The following NFU1 variants were observed in gnomAD, a reference collection of about 807,000 sequenced individuals.
NFU1 encodes NFU1 iron-sulfur cluster scaffold homolog, mitochondrial.
Under a neutral mutation model 32.2 loss-of-function variants are expected in NFU1, and 30 were observed. That is an observed-to-expected ratio of 0.93 (90% confidence interval 0.70 to 1.26). NFU1 has a LOEUF of 1.26. Ranked by LOEUF, NFU1 falls within the 50% of genes most tolerant of loss-of-function variation. The probability of loss-of-function intolerance (pLI) is 0.00; values close to 1 mark genes in which losing one functional copy is unlikely to be tolerated. For missense variants in NFU1, 306 were observed against 306.6 expected (o/e 1.00, Z 0.02); for synonymous variants, 112 against 104.6 (o/e 1.07, Z -0.43).
rs1216201310 is a variant in NFU1, at chr2:69,423,703, T to G, written c.181A>C (p.Ile61Leu). Residue 61 changes from isoleucine (I) to leucine (L), a missense_variant, in exon 3 of 8, where the codon ATT becomes CTT. Transcript: ENST00000410022. ...GGATTTGGGGTATCTTGTGTTTGAATAAACATGTATCTCACTAAAAAAGAA... is the reference window on the plus strand; with the variant it reads ...GGATTTGGGGTATCTTGTGTTTGAAGAAACATGTATCTCACTAAAAAAGAA... ...AFYHPVRYMF[I>L]QTQDTPNPNS... 2.5e-6 allele frequency: 4 copies of G among 1,600,296 alleles called. No homozygotes were observed. In the South Asian group the frequency reaches 4.4e-5, roughly 18 times the overall value.
chr2:69,410,631 G>A (rs1672848097), intron 5 of NFU1, among the ~76,000 whole-genome samples: 1 of 152,158 alleles, frequency 6.6e-6, no homozygotes, highest in Non-Finnish European at 1.5e-5. Context: ...TTAGAATTGT[G>A]CCTGAAATAC....
intron 5 of NFU1, among the ~76,000 whole-genome samples, chr2:69,406,408 G>C (rs983929588): frequency 7.3e-6 from 1 of 137,342 alleles, no homozygotes; most frequent in Admixed American, 7.3e-5. Context: ...CTCAAGGATT[G>C]AAAGTATCAG....
At chr2:69,396,964 C>T (rs540862414) in intron 7 of NFU1, among the ~76,000 whole-genome samples, 118 of 151,422 alleles carry the variant, frequency 7.8e-4, no homozygotes, top group African/African-American at 2.8e-3. Flanking sequence ...CCCAGGTACC[C>T]GGGAGACTAA....
At chr2:69,430,217 CTTT>C (rs113587680) in intron 2 of NFU1, among the ~76,000 whole-genome samples, 3 of 145,190 alleles carry the variant, frequency 2.1e-5, no homozygotes, top group African/African-American at 2.6e-5. Context: ...ATATTTCTTC[CTTT>C]TTTTTTTTTT....
At position 69,404,328 on chromosome 2, in the gene NFU1, C is replaced by G. The variant is rs186440504; in HGVS notation, c.545+1694G>C. 8.3e-3 allele frequency among the ~76,000 whole-genome samples: 1,254 copies of G among 150,840 alleles called. 16 individuals carry two copies. The highest frequency in any genetic ancestry group is 0.028 in the African/African-American group (1,173 of 41,174). Reference sequence around the variant, plus strand: ...CCAACACGGTGAAACCCTGTCTCTACTAAAACTACAAAAATTAGCTGGGTG... The same window carrying G: ...CCAACACGGTGAAACCCTGTCTCTAGTAAAACTACAAAAATTAGCTGGGTG... On this transcript the variant is annotated intron_variant, in intron 6 of 7. Transcript: ENST00000410022.
intron 2 of NFU1, chr2:69,430,062 A>T: frequency 3.4e-6 from 1 of 298,146 alleles, no homozygotes; most frequent in Non-Finnish European, 6.6e-6. Flanking sequence ...TAATTTGAAT[A>T]GGTACTTAAC....
At chr2:69,408,350 G>A (rs1182888078) in intron 5 of NFU1, among the ~76,000 whole-genome samples, 1 of 152,048 alleles carries the variant, frequency 6.6e-6, no homozygotes, top group Non-Finnish European at 1.5e-5. Context: ...GTCTTTGCCA[G>A]TTTCTTCATT....
chr2:69,407,235 G>C (rs1351188118), intron 5 of NFU1, among the ~76,000 whole-genome samples: 1 of 152,150 alleles, frequency 6.6e-6, no homozygotes, highest in African/African-American at 2.4e-5. Flanking sequence ...TTACAGGCAT[G>C]AGCCATGCCT....
intron 2 of NFU1, 140 bp downstream of exon 2, chr2:69,431,762 T>C: frequency 3.0e-6 from 2 of 658,882 alleles, no homozygotes; most frequent in East Asian, 5.4e-5. Flanking sequence ...ATAAGAAAAA[T>C]ATAGCTTTTT....
chr2:69,416,263 C>T (rs1251916671), intron 4 of NFU1: 1 of 148,478 alleles, frequency 6.7e-6, no homozygotes, highest in Non-Finnish European at 1.5e-5. Flanking sequence ...TTAAAGATCC[C>T]CCATTCATTA....
chr2:69,413,444 A>G (rs1244839012), intron 5 of NFU1, among the ~76,000 whole-genome samples: 1 of 152,098 alleles, frequency 6.6e-6, no homozygotes, highest in African/African-American at 2.4e-5. Context: ...TGATATAGCA[A>G]TTCCACTTTT....
rs923423381 is a variant in NFU1 at position 69,430,219 on chromosome 2, T to C, written c.166+1683A>G. The stretch of plus-strand genomic sequence containing the variant: ...AGAATGATAAAAAATATTTCTTCCT[T>C]TTTTTTTTTTTGAGACAGTGTCTCA... On this transcript the variant is annotated intron_variant, in intron 2 of 7. Coordinates refer to ENST00000410022, the MANE Select transcript of NFU1 (RefSeq NM_001002755.4). 2.6e-4 allele frequency among the ~76,000 whole-genome samples: 5 copies of C among 19,288 alleles called. No homozygotes were observed. The African/African-American group carries it at 4.0e-3, about 15-fold the overall frequency. The allele number at this position is 19,288 out of a possible 152,430, so 12.7% of individuals were successfully genotyped here. A position where few individuals can be genotyped will look rare whatever the true frequency, so the allele number is the denominator to read the frequency against.
upstream of NFU1, among the ~76,000 whole-genome samples, chr2:69,438,397 G>A (rs896521824): frequency 1.3e-5 from 2 of 152,178 alleles, no homozygotes; most frequent in Admixed American, 6.5e-5. Flanking sequence ...GGGATTACAG[G>A]TGTGAGCCAC....
intron 5 of NFU1, among the ~76,000 whole-genome samples, chr2:69,414,357 C>G (rs1672983739): frequency 6.6e-6 from 1 of 151,904 alleles, no homozygotes. Flanking sequence ...GTGGTTCATG[C>G]CTGTAATCCC....
At chr2:69,409,496 T>C (rs995861762) in intron 5 of NFU1, among the ~76,000 whole-genome samples, 2 of 152,234 alleles carry the variant, frequency 1.3e-5, no homozygotes, top group South Asian at 2.1e-4. Flanking sequence ...CAAATGTTTC[T>C]GCATGTCATA....
intron 5 of NFU1, chr2:69,411,266 A>C (rs183238448): frequency 4.9e-4 from 75 of 152,328 alleles, no homozygotes; most frequent in African/African-American, 1.7e-3. Flanking sequence ...CACATATGAC[A>C]GTATCTTTGT....
intron 7 of NFU1, chr2:69,399,271 C>G (rs893137681): frequency 1.1e-5 from 4 of 348,726 alleles, no homozygotes; most frequent in Admixed American, 4.0e-5. Flanking sequence ...TTTCTAATTT[C>G]CACACATCCC....
In NFU1 at chr2:69,409,824, T is replaced by A. The variant is rs190332578; in HGVS notation, c.485-3742A>T. 3.9e-4 allele frequency among the ~76,000 whole-genome samples: 59 copies of A among 152,172 alleles called. No homozygotes were observed. The East Asian group carries it at 0.01, about 26-fold the overall frequency. On this transcript the variant is annotated intron_variant, in intron 5 of 7. Transcript: ENST00000410022. Reference sequence around the variant, plus strand: ...CATTCATCTACTATTGAGGGATCCATCCCCATGACCCACTCACCTCCCATT... The same window carrying A: ...CATTCATCTACTATTGAGGGATCCAACCCCATGACCCACTCACCTCCCATT...
rs1236146836 is a variant in NFU1, at chr2:69,412,498, T to C, written c.484+2687A>G. On this transcript the variant is annotated intron_variant, in intron 5 of 7. Coordinates refer to ENST00000410022, the MANE Select transcript of NFU1 (RefSeq NM_001002755.4). ...GCCTCCCAGATTCAAGCAATTCTTC[T>C]GCCCCAGCCTCCCGAGTAGCTGGGA... 2.6e-5 allele frequency among the ~76,000 whole-genome samples: 4 copies of C among 151,466 alleles called. No individual in the cohort carries two copies. The East Asian group carries it at 8.0e-4, about 30-fold the overall frequency.
Sources: allele counts gnomAD v4.1 joint callset (sites outside exome capture counted in the v4.1 genomes callset), GRCh38; gene constraint gnomAD v4.1.1; transcripts MANE v1.5; gene names NCBI Gene and HGNC (gene_info 2026-07-23, HGNC 2026-07-21).